OTC: variants seen among roughly 807,000 people sequenced by gnomAD.
The protein encoded by OTC is ornithine transcarbamylase.
Under a neutral mutation model 30.3 loss-of-function variants are expected in OTC, and 3 were observed. The ratio of observed to expected loss-of-function variants is 0.10; its 90% CI spans 0.05 to 0.26. The LOEUF is 0.26. Ranked by LOEUF, OTC falls within the 10% of genes least tolerant of loss-of-function variation. OTC has a pLI of 1.00. For synonymous variants in OTC, 111 were observed against 99.7 expected (o/e 1.11, Z -0.67); for missense variants, 194 against 260.3 (o/e 0.75, Z 1.75).
the OTC span, among the ~76,000 whole-genome samples, chrX:38,333,684 T>A: frequency 8.9e-6 from 1 of 111,856 alleles, no homozygotes; most frequent in Non-Finnish European, 1.9e-5. Flanking sequence ...AGACGTTTGA[T>A]GGATTATGCT....
intron 4 of OTC, chrX:38,395,843 C>A (rs2068453666): frequency 8.9e-6 from 1 of 111,768 alleles, no homozygotes; most frequent in African/African-American, 3.3e-5. Flanking sequence ...CCCAACCTGG[C>A]CAACTAATTC....
the OTC span, among the ~76,000 whole-genome samples, chrX:38,331,911 G>A: frequency 9.0e-6 from 1 of 110,916 alleles, no homozygotes; most frequent in Non-Finnish European, 1.9e-5. Context: ...ATGATCCAGA[G>A]CTATATAATA....
chrX:38,367,163 A>G (rs773574976), intron 1 of OTC, 128 bp from the exon 2 acceptor site: 38 of 530,511 alleles, frequency 7.2e-5, no homozygotes, highest in African/African-American at 4.8e-4. Flanking sequence ...CCACAGAGTG[A>G]GAACCTGTCT....
rs759369739 is a variant in OTC, at chrX:38,369,943, G to A, written c.298+66G>A. 204 of 737,647 alleles carry A rather than the reference G, an allele frequency of 2.8e-4. 1 individual carries two copies. The African/African-American group carries it at 3.8e-3, about 14-fold the overall frequency. 60.8% of individuals were successfully genotyped at this position (737,647 alleles called of 1,213,427 possible). A position where few individuals can be genotyped will look rare whatever the true frequency, so the allele number is the denominator to read the frequency against. On this transcript the variant is annotated intron_variant, in intron 3 of 9. Transcript: ENST00000039007. ...GATTGAAGGTGAAGACTTTGGAGGG[G>A]TAACCCAGTGCGGGGATTTGTCTGC...
At chrX:38,369,973 A>G (rs2068316052) in intron 3 of OTC, 96 bp downstream of exon 3, 7 of 543,153 alleles carry the variant, frequency 1.3e-5, no homozygotes, top group Non-Finnish European at 2.3e-5. Context: ...GTCTGCCTCT[A>G]GCAACCACAA....
At chrX:38,350,883 A>G (rs1024628793), upstream of OTC, among the ~76,000 whole-genome samples, 3 of 111,423 alleles carry the variant, frequency 2.7e-5, no homozygotes, top group Non-Finnish European at 5.6e-5. Context: ...GGGTCAAGCT[A>G]TGGGCTTTAT....
chrX:38,406,161 AG>A (rs1238552257), intron 6 of OTC, among the ~76,000 whole-genome samples: 1 of 111,829 alleles, frequency 8.9e-6, no homozygotes, highest in Non-Finnish European at 1.9e-5. Flanking sequence ...ATAGTGCAAA[AG>A]TCATTCCATC....
the OTC span, among the ~76,000 whole-genome samples, chrX:38,344,833 T>C: frequency 9.0e-6 from 1 of 110,802 alleles, no homozygotes; most frequent in Non-Finnish European, 1.9e-5. Flanking sequence ...ATAAAAGTGT[T>C]GTATCCAGAA....
At chrX:38,353,269 C>T (rs1271835331) in intron 1 of OTC, among the ~76,000 whole-genome samples, 1 of 112,097 alleles carries the variant, frequency 8.9e-6, no homozygotes, top group Non-Finnish European at 1.9e-5. Flanking sequence ...TGAAAACCAT[C>T]CCTGAAATTC....
intron 3 of OTC, among the ~76,000 whole-genome samples, chrX:38,376,661 A>G (rs1292144797): frequency 1.8e-5 from 2 of 112,226 alleles, no homozygotes; most frequent in African/African-American, 6.5e-5. Context: ...TTCCATGCAA[A>G]TGGAAACTAC....
At chrX:38,370,626 C>T (rs1291685328) in intron 3 of OTC, among the ~76,000 whole-genome samples, 1 of 111,497 alleles carries the variant, frequency 9.0e-6, no homozygotes, top group African/African-American at 3.3e-5. Flanking sequence ...GAAGTTCACA[C>T]CATTTGCGCG....
At chrX:38,418,366 A>G (rs1338043971) in intron 9 of OTC, among the ~76,000 whole-genome samples, 8 of 111,632 alleles carry the variant, frequency 7.2e-5, no homozygotes, top group African/African-American at 2.6e-4. Context: ...AGTTCCTTAT[A>G]TATTTTGGAT....
At chrX:38,422,532 A>G (rs1225473122), downstream of OTC, among the ~76,000 whole-genome samples, 3 of 112,060 alleles carry the variant, frequency 2.7e-5, no homozygotes, top group Non-Finnish European at 3.8e-5. Flanking sequence ...CTCCCATCTC[A>G]TTCCTGGTTA....
intron 6 of OTC, among the ~76,000 whole-genome samples, chrX:38,404,528 C>T (rs1482949542): frequency 9.0e-6 from 1 of 111,617 alleles, no homozygotes. Context: ...AACATCATAC[C>T]GTGTACTTAC....
At chrX:38,409,513 C>T (rs1175339395) in intron 8 of OTC, among the ~76,000 whole-genome samples, 2 of 112,424 alleles carry the variant, frequency 1.8e-5, no homozygotes, top group African/African-American at 6.5e-5. Context: ...TGGAACAATG[C>T]TTCTCAGTCT....
intron 1 of OTC, among the ~76,000 whole-genome samples, chrX:38,363,344 A>G (rs1240130826): frequency 1.8e-5 from 2 of 112,226 alleles, no homozygotes; most frequent in African/African-American, 6.5e-5. Flanking sequence ...ACATGTAGTC[A>G]AGAAGGTTTA....
the OTC span, among the ~76,000 whole-genome samples, chrX:38,344,095 G>A: frequency 9.0e-6 from 1 of 111,380 alleles, no homozygotes; most frequent in East Asian, 2.8e-4. Context: ...GCCATGAGCC[G>A]AGGTTGTGCC....
At chrX:38,369,148 C>T (rs759410831) in intron 2 of OTC, among the ~76,000 whole-genome samples, 1 of 110,664 alleles carries the variant, frequency 9.0e-6, no homozygotes, top group Non-Finnish European at 1.9e-5. Flanking sequence ...CAAACACCTT[C>T]GAGGTCATTG....
intron 4 of OTC, among the ~76,000 whole-genome samples, chrX:38,393,623 C>T (rs1036780008): frequency 4.5e-5 from 5 of 111,845 alleles, no homozygotes; most frequent in Non-Finnish European, 5.6e-5. Flanking sequence ...TTAGTGGGAA[C>T]GGGTTGCTAA....
Sources: gnomAD v4.1 joint callset for allele counts (sites outside exome capture counted in the v4.1 genomes callset) on GRCh38, gnomAD v4.1.1 for gene constraint, MANE v1.5 for transcripts, NCBI Gene and HGNC (gene_info 2026-07-23, HGNC 2026-07-21) for gene names.